Variants in EFR3B observed in about 807,000 individuals in gnomAD.
The protein encoded by EFR3B is EFR3 homolog B, also known as protein EFR3 homolog B.
In EFR3B, 64 loss-of-function variants were observed where a neutral mutation model predicts 104.7. The ratio of observed to expected loss-of-function variants is 0.61; its 90% CI spans 0.50 to 0.75. The LOEUF (loss-of-function observed/expected upper bound fraction) is 0.75, where lower values mean the gene tolerates loss of function less well. Among genes scored for constraint, EFR3B ranks in the 30% least tolerant of loss-of-function variants. The pLI is 0.00. For missense variants in EFR3B, 750 were observed against 1,078.5 expected (o/e 0.70, Z 4.27); for synonymous variants, 385 against 417.9 (o/e 0.92, Z 0.96).
intron 19 of EFR3B, chr2:25,146,574 G>C (rs1353786543): frequency 6.6e-6 from 1 of 152,246 alleles, no homozygotes; most frequent in Non-Finnish European, 1.5e-5. Context: ...CAAGAGGTAA[G>C]AGACCCTCGG....
Position 25,137,224 on chromosome 2 carries a change from G to A in EFR3B, c.1561-117G>A. ...GCTTTAAAGGCATCCCCTCCCCAAG[G>A]GAGGAGGGGGCACACAGCCATCCTG... On this transcript the variant is annotated intron_variant, in intron 14 of 22. Coordinates refer to ENST00000403714, the MANE Select transcript of EFR3B (RefSeq NM_014971.2). This position sits in a 1 kb window ranked among gnomAD's most constrained non-coding sequence, Gnocchi z 4.7. 1 of 1,192,496 alleles carries A rather than the reference G, an allele frequency of 8.4e-7. No individual in the cohort carries two copies. The highest frequency in any genetic ancestry group is 2.6e-5 in the East Asian group (1 of 38,936). The allele number at this position is 1,192,496 out of a possible 1,614,324, so 73.9% of individuals were successfully genotyped here.
At chr2:25,103,605 C>T (rs1403895967) in intron 3 of EFR3B, 32 bp from the exon 4 acceptor site, 25 of 1,534,998 alleles carry the variant, frequency 1.6e-5, no homozygotes, top group Middle Eastern at 1.7e-4. Flanking sequence ...GGCAGGGGCG[C>T]GGCCAGTGAC....
chr2:25,074,765 A>G (rs1668590479), intron 1 of EFR3B, among the ~76,000 whole-genome samples: 1 of 151,486 alleles, frequency 6.6e-6, no homozygotes, highest in Non-Finnish European at 1.5e-5. Context: ...CTACAGGTGC[A>G]TGCACCACAT....
At chr2:25,050,505 T>C (rs572281797) in intron 1 of EFR3B, among the ~76,000 whole-genome samples, 27 of 152,226 alleles carry the variant, frequency 1.8e-4, no homozygotes, top group Admixed American at 7.2e-4. Flanking sequence ...CCATGGTACA[T>C]AAAATGGGGG....
intron 1 of EFR3B, among the ~76,000 whole-genome samples, chr2:25,064,778 G>T (rs1408197120): frequency 6.6e-6 from 1 of 152,134 alleles, no homozygotes; most frequent in African/African-American, 2.4e-5. Context: ...CATTTATTGG[G>T]ATTCCTGGAG....
chr2:25,108,303 A>G (rs563590), intron 4 of EFR3B, among the ~76,000 whole-genome samples: 77,230 of 152,002 alleles, frequency 0.51, 20,243 homozygotes, highest in East Asian at 0.8. Flanking sequence ...GTCCAGATGC[A>G]TGTCTTGGGT....
At chr2:25,055,918 G>T (rs1406330856) in intron 1 of EFR3B, among the ~76,000 whole-genome samples, 1 of 152,192 alleles carries the variant, frequency 6.6e-6, no homozygotes, top group Non-Finnish European at 1.5e-5. Flanking sequence ...ACAGATCTGT[G>T]AACCTCTTGA....
rs1157983312 is a variant in EFR3B at position 25,133,407 on chromosome 2, G to C, written c.1284G>C (p.Gln428His). ...GGGAGAATAGGAACCGTCTGACCCA[G>C]ATTATGCTGCTAAAATCCCTCCTGC... ...RTGENRNRLTQIMLLKSLLQV... is the reference protein window; with the variant it reads ...RTGENRNRLTHIMLLKSLLQV... The change falls in exon 12 of 23, where the codon CAG becomes CAC. Residue 428 changes from glutamine (Q) to histidine (H), a missense_variant. Gln to His is a conservative substitution (Grantham distance 24). Coordinates refer to ENST00000403714, the MANE Select transcript of EFR3B (RefSeq NM_014971.2). The C allele has an allele frequency of 6.4e-7, 1 of 1,552,372 alleles. No homozygotes were observed. Among genetic ancestry groups the C allele is most frequent in the Middle Eastern group, 1.7e-4 (1 of 5,998 alleles).
intron 3 of EFR3B, among the ~76,000 whole-genome samples, chr2:25,099,691 T>A (rs2149189055): frequency 6.6e-6 from 1 of 152,070 alleles, no homozygotes; most frequent in South Asian, 2.1e-4. Flanking sequence ...GCTGTTAATT[T>A]TTTTTATGTT....
intron 1 of EFR3B, among the ~76,000 whole-genome samples, chr2:25,055,091 C>A (rs1386860032): frequency 1.3e-5 from 2 of 152,166 alleles, no homozygotes; most frequent in Non-Finnish European, 2.9e-5. Context: ...ATCATTGTTT[C>A]TGTGGTTGGG....
chr2:25,120,158 C>T (rs1166320350), intron 4 of EFR3B, among the ~76,000 whole-genome samples: 3 of 150,764 alleles, frequency 2.0e-5, no homozygotes, highest in Non-Finnish European at 4.4e-5. Flanking sequence ...AGTTCAAGAC[C>T]AGCCTGATCA....
Position 25,130,660 on chromosome 2 carries a change from C to A in EFR3B, c.849+30C>A. On this transcript the variant is annotated intron_variant, in intron 8 of 22. Transcript: ENST00000403714. The surrounding 1 kb of genome is among the most constrained non-coding windows in gnomAD (Gnocchi z 4.6). ...GGTGGCTCCCCTGGGCCAGCCGGAT[C>A]CCAGGACAAAGGCCTCTCTAGAAGC... 6.5e-7 allele frequency: 1 copy of A among 1,537,132 alleles called. No homozygotes were observed. Among genetic ancestry groups the A allele is most frequent in the Non-Finnish European group, 8.8e-7 (1 of 1,133,850 alleles).
In EFR3B at chr2:25,145,036, T is replaced by C; in HGVS notation, c.2127T>C (p.Ser709=). The C allele has an allele frequency of 6.4e-7, 1 of 1,551,662 alleles. No individual in the cohort carries two copies. The highest frequency in any genetic ancestry group is 8.7e-7 in the Non-Finnish European group (1 of 1,146,976). ...AGGTGGAGGTAGAATCGAGGAACAG[T>C]CCGGAGAAGGAGGAGGTGAGTGTCC... The part of the protein sequence containing the change: ...SLQVEVESRN[S]PEKEERVPAE... The change falls in exon 19 of 23, where the codon AGT becomes AGC. Residue 709 remains serine (S), a synonymous_variant. Transcript: ENST00000403714.
chr2:25,137,840 C>T lies in EFR3B; in HGVS notation c.1722+338C>T, dbSNP rs1352371235. ...ATTCTTAAAAGGATGCTCATAAGCC[C>T]TGAGTGATCCCAGACAAACTCATTT... On this transcript the variant is annotated intron_variant, in intron 15 of 22. Transcript: ENST00000403714. The surrounding 1 kb of genome is among the most constrained non-coding windows in gnomAD (Gnocchi z 4.7). Among the ~76,000 whole-genome samples, 1 of 152,178 alleles carries T rather than the reference C, an allele frequency of 6.6e-6. No individual in the cohort carries two copies. Among genetic ancestry groups the T allele is most frequent in the Non-Finnish European group, 1.5e-5 (1 of 68,036 alleles).
In EFR3B at chr2:25,103,764, C is replaced by CTGCA; in HGVS notation, c.341_344dup (p.Gln115HisfsTer27). Reference sequence around the variant, plus strand: ...GCTGCTGGAGTCAGAGAAACCCAACCTGCAGATCCTCGGCACCAACTCGGT... The same window carrying CTGCA: ...GCTGCTGGAGTCAGAGAAACCCAACCTGCATGCAGATCCTCGGCACCAACTCGGT... On this transcript the variant is annotated frameshift_variant, in exon 4 of 23. Transcript: ENST00000403714. LOFTEE classifies it high-confidence loss of function. The CTGCA allele has an allele frequency of 6.4e-7, 1 of 1,551,636 alleles. No homozygotes were observed. The highest frequency in any genetic ancestry group is 8.7e-7 in the Non-Finnish European group (1 of 1,146,936).
chr2:25,070,885 G>A (rs1012643091), intron 1 of EFR3B, among the ~76,000 whole-genome samples: 1 of 152,170 alleles, frequency 6.6e-6, no homozygotes, highest in African/African-American at 2.4e-5. Flanking sequence ...GCAGAGATCC[G>A]CACGTTAATG....
intron 16 of EFR3B, among the ~76,000 whole-genome samples, 196 bp downstream of exon 16, chr2:25,139,386 G>A (rs1033728884): frequency 6.6e-6 from 1 of 152,088 alleles, no homozygotes; most frequent in African/African-American, 2.4e-5. Flanking sequence ...GGTGGGGTTA[G>A]GCACAGGGGT....
At chr2:25,153,185 C>T (rs1032739745) in intron 21 of EFR3B, among the ~76,000 whole-genome samples, 3 of 152,070 alleles carry the variant, frequency 2.0e-5, no homozygotes, top group Non-Finnish European at 4.4e-5. Context: ...AAAACTCCAT[C>T]TCTACTAAAA....
intron 1 of EFR3B, among the ~76,000 whole-genome samples, chr2:25,054,101 G>C (rs535624339): frequency 6.6e-6 from 1 of 152,268 alleles, no homozygotes; most frequent in Non-Finnish European, 1.5e-5. Context: ...TGATGGACAC[G>C]TGGTGGTCCA....
Sources: gnomAD v4.1 joint callset for allele counts (sites outside exome capture counted in the v4.1 genomes callset) on GRCh38, gnomAD v4.1.1 for gene constraint, Gnocchi (gnomAD v3.1) non-coding constraint, MANE v1.5 for transcripts, NCBI Gene and HGNC (gene_info 2026-07-23, HGNC 2026-07-21) for gene names.